Variants in DNM3 observed in about 807,000 individuals in gnomAD.
DNM3 encodes dynamin 3, also known as dynamin-3.
In DNM3, 47 loss-of-function variants were observed where a neutral mutation model predicts 101.6. That is an observed-to-expected ratio of 0.46 (90% CI 0.37 to 0.59). The LOEUF (loss-of-function observed/expected upper bound fraction) is 0.59, where lower values mean the gene tolerates loss of function less well. DNM3 is among the 20% of genes least tolerant of loss of function. DNM3 has a pLI of 0.00. For missense variants in DNM3, 849 were observed against 1,085.7 expected (o/e 0.78, Z 3.06); for synonymous variants, 385 against 387.9 (o/e 0.99, Z 0.09).
chr1:172,257,732 T>A (rs2062464143), intron 15 of DNM3, among the ~76,000 whole-genome samples: 1 of 152,168 alleles, frequency 6.6e-6, no homozygotes, highest in Admixed American at 6.6e-5. Context: ...TCCTCACTTC[T>A]AGCTATTTTG....
At chr1:172,354,717 T>C (rs1211791342) in intron 17 of DNM3, among the ~76,000 whole-genome samples, 2 of 151,696 alleles carry the variant, frequency 1.3e-5, no homozygotes, top group African/African-American at 4.8e-5. Flanking sequence ...GGTAAGAAAA[T>C]AAAAAGGGAG....
chr1:172,043,581 T>G (rs1394873642), intron 8 of DNM3, among the ~76,000 whole-genome samples: 1 of 151,814 alleles, frequency 6.6e-6, no homozygotes, highest in Admixed American at 6.6e-5. Flanking sequence ...CTGAGCTGAG[T>G]TTGGAAGGAT....
At chr1:172,141,785 T>C (rs1381566427) in intron 14 of DNM3, among the ~76,000 whole-genome samples, 2 of 152,134 alleles carry the variant, frequency 1.3e-5, no homozygotes, top group Admixed American at 6.6e-5. Flanking sequence ...ATTAAGCCTA[T>C]TGACTAACTA....
At chr1:171,846,234 C>G (rs1354644824) in intron 1 of DNM3, among the ~76,000 whole-genome samples, 1 of 95,816 alleles carries the variant, frequency 1.0e-5, no homozygotes, top group Non-Finnish European at 2.1e-5. Context: ...TAGGTTATCA[C>G]AAATTCACAG....
intron 14 of DNM3, among the ~76,000 whole-genome samples, chr1:172,198,618 G>C (rs116494152): frequency 5.3e-4 from 80 of 151,916 alleles, no homozygotes; most frequent in Non-Finnish European, 8.4e-4. Flanking sequence ...TCGGAGAATC[G>C]ATTTCTTCCT....
intron 18 of DNM3, 168 bp from the exon 19 acceptor site, chr1:172,386,965 T>G: frequency 1.7e-6 from 1 of 590,508 alleles, no homozygotes. Context: ...GTACTGGGGA[T>G]AGAGACAAAA....
At chr1:172,106,024 C>A (rs937668327) in intron 13 of DNM3, among the ~76,000 whole-genome samples, 9 of 152,076 alleles carry the variant, frequency 5.9e-5, no homozygotes, top group African/African-American at 1.7e-4. Context: ...TTATTCCTTA[C>A]AGAACAATAT....
intron 4 of DNM3, among the ~76,000 whole-genome samples, chr1:171,992,324 GA>G (rs1187355586): frequency 6.6e-6 from 1 of 152,076 alleles, no homozygotes. Flanking sequence ...TGAGAGCAAT[GA>G]ATGTTTGTGG....
At chr1:172,113,597 G>C (rs1172892668) in intron 13 of DNM3, among the ~76,000 whole-genome samples, 1 of 108,982 alleles carries the variant, frequency 9.2e-6, no homozygotes, top group Admixed American at 1.2e-4. Context: ...TCCAGCCTGG[G>C]CAACAAGAGC....
At chr1:171,895,920 G>C (rs2037748471) in intron 1 of DNM3, among the ~76,000 whole-genome samples, 3 of 152,000 alleles carry the variant, frequency 2.0e-5, no homozygotes, top group South Asian at 2.1e-4. Flanking sequence ...TCTTGTTTTT[G>C]TCAGGTTTGT....
chr1:172,225,419 G>T (rs142448375), intron 14 of DNM3, among the ~76,000 whole-genome samples: 117 of 152,086 alleles, frequency 7.7e-4, no homozygotes, highest in African/African-American at 2.6e-3. Flanking sequence ...ACAGGCATGA[G>T]CCACCGTACC....
intron 4 of DNM3, among the ~76,000 whole-genome samples, chr1:172,019,330 C>G (rs1280585483): frequency 2.6e-5 from 4 of 151,548 alleles, no homozygotes; most frequent in Non-Finnish European, 4.4e-5. Flanking sequence ...ATACTTCCAC[C>G]TTTTCTTTTG....
intron 14 of DNM3, among the ~76,000 whole-genome samples, chr1:172,196,818 G>A (rs1314874683): frequency 6.6e-6 from 1 of 152,074 alleles, no homozygotes; most frequent in Non-Finnish European, 1.5e-5. Context: ...ACCTTTGTCA[G>A]ATGCATAGTT....
intron 16 of DNM3, among the ~76,000 whole-genome samples, chr1:172,321,792 A>G (rs6424865): frequency 0.64 from 96,603 of 152,000 alleles, 33,044 homozygotes; most frequent in African/African-American, 0.91. Flanking sequence ...ATCTGTTTGA[A>G]GTATTTTCAG....
At chr1:172,394,741 G>A (rs2069827128) in intron 20 of DNM3, among the ~76,000 whole-genome samples, 2 of 152,304 alleles carry the variant, frequency 1.3e-5, no homozygotes, top group Admixed American at 1.3e-4. Flanking sequence ...TGGCAGAGAA[G>A]CCACTGGCCA....
At chr1:172,009,302 A>T (rs2125702639) in intron 4 of DNM3, among the ~76,000 whole-genome samples, 1 of 149,956 alleles carries the variant, frequency 6.7e-6, no homozygotes, top group Non-Finnish European at 1.5e-5. Context: ...GTAAGCTTTG[A>T]AATCAGATAG....
chr1:172,051,943 G>A (rs576327352), intron 10 of DNM3, among the ~76,000 whole-genome samples: 2 of 152,202 alleles, frequency 1.3e-5, no homozygotes, highest in African/African-American at 4.8e-5. Flanking sequence ...TTGTCTATTT[G>A]TGTGAACTGG....
At chr1:172,122,433 C>T (rs2056379515) in intron 13 of DNM3, among the ~76,000 whole-genome samples, 2 of 152,040 alleles carry the variant, frequency 1.3e-5, no homozygotes, top group Admixed American at 1.3e-4. Context: ...GAGTTTGTTC[C>T]TTTTAACTGA....
chr1:172,082,825 A>G (rs1046611351), intron 12 of DNM3, among the ~76,000 whole-genome samples: 2 of 152,248 alleles, frequency 1.3e-5, no homozygotes, highest in African/African-American at 4.8e-5. Flanking sequence ...TAGGGAGAAC[A>G]GTCCCAATTA....
Sources: gnomAD v4.1 joint callset for allele counts (sites outside exome capture counted in the v4.1 genomes callset) on GRCh38, gnomAD v4.1.1 for gene constraint, MANE v1.5 for transcripts, NCBI Gene and HGNC (gene_info 2026-07-23, HGNC 2026-07-21) for gene names.